The following PAPPA2 variants were observed in gnomAD, a reference collection of about 807,000 sequenced individuals.
PAPPA2 encodes pappalysin 2.
A neutral mutation model predicts 176.4 loss-of-function variants in PAPPA2; 86 were observed. That is an observed-to-expected ratio of 0.49 (90% CI 0.41 to 0.58). PAPPA2 has a LOEUF of 0.58. Among genes scored for constraint, PAPPA2 ranks in the 20% least tolerant of loss-of-function variants. The pLI is 0.00. For missense variants in PAPPA2, 2,073 were observed against 2,256.9 expected (o/e 0.92, Z 1.65); for synonymous variants, 809 against 852.2 (o/e 0.95, Z 0.88).
chr1:176,625,945 T>C (rs1265862321), intron 3 of PAPPA2, among the ~76,000 whole-genome samples: 8 of 152,022 alleles, frequency 5.3e-5, no homozygotes, highest in Non-Finnish European at 1.0e-4. Flanking sequence ...ATCACTTGAG[T>C]CTAGGAGGTG....
intron 3 of PAPPA2, among the ~76,000 whole-genome samples, chr1:176,661,225 A>C (rs1658340960): frequency 6.6e-6 from 1 of 152,132 alleles, no homozygotes; most frequent in South Asian, 2.1e-4. Flanking sequence ...TCTCTGAATC[A>C]GTCAAGACAT....
intron 3 of PAPPA2, among the ~76,000 whole-genome samples, chr1:176,651,848 T>C (rs1657745423): frequency 6.6e-6 from 1 of 151,532 alleles, no homozygotes; most frequent in Admixed American, 6.6e-5. Flanking sequence ...CTTTTTTCTC[T>C]TCTGGCTGTG....
At chr1:176,778,882 G>T (rs1664578971) in intron 17 of PAPPA2, among the ~76,000 whole-genome samples, 1 of 152,082 alleles carries the variant, frequency 6.6e-6, no homozygotes, top group East Asian at 1.9e-4. Context: ...GCCATTGTAG[G>T]ATAATGTGTG....
chr1:176,547,111 A>G (rs1332909549), intron 1 of PAPPA2, among the ~76,000 whole-genome samples: 2 of 152,222 alleles, frequency 1.3e-5, no homozygotes, highest in Admixed American at 1.3e-4. Flanking sequence ...TGAAGTTGCC[A>G]TGTAATATTT....
intron 4 of PAPPA2, among the ~76,000 whole-genome samples, chr1:176,682,779 G>T (rs1479920316): frequency 1.3e-5 from 2 of 151,856 alleles, no homozygotes; most frequent in Non-Finnish European, 2.9e-5. Flanking sequence ...CTGACTTGAA[G>T]TGCTCCTTCC....
rs78038111 is a variant in PAPPA2, at chr1:176,831,166, G to A, written c.5203-9007G>A. Among the ~76,000 whole-genome samples, 124 of 152,242 alleles carry A rather than the reference G, an allele frequency of 8.1e-4. 2 individuals carry two copies. The highest frequency in any genetic ancestry group is 2.9e-3 in the African/African-American group (121 of 41,542). Reference sequence around the variant, plus strand: ...AGTGATTCAGTGCAGAAGGAATAAAGGTGGTTGGGGAAGTGGAGCACTGGG... The same window carrying A: ...AGTGATTCAGTGCAGAAGGAATAAAAGTGGTTGGGGAAGTGGAGCACTGGG... On this transcript the variant is annotated intron_variant, in intron 21 of 22. Transcript: ENST00000367662.
Position 176,620,286 on chromosome 1 carries a change from C to T in PAPPA2, c.1991+24691C>T, listed in dbSNP as rs528736113. 7.3e-5 allele frequency among the ~76,000 whole-genome samples: 11 copies of T among 151,500 alleles called. No individual in the cohort carries two copies. In the South Asian group the frequency reaches 1.3e-3, roughly 17 times the overall value. Reference sequence around the variant, plus strand: ...GATTTCAATATATACATTTTTTTTTCGGAGACAGGGGAGAGACACAAACAT... The same window carrying T: ...GATTTCAATATATACATTTTTTTTTTGGAGACAGGGGAGAGACACAAACAT... On this transcript the variant is annotated intron_variant, in intron 3 of 22. Coordinates refer to ENST00000367662, the MANE Select transcript of PAPPA2 (RefSeq NM_020318.3).
At chr1:176,495,409 G>T (rs185471151) in intron 1 of PAPPA2, among the ~76,000 whole-genome samples, 2 of 151,828 alleles carry the variant, frequency 1.3e-5, no homozygotes, top group Non-Finnish European at 2.9e-5. Flanking sequence ...ACATGGTGGC[G>T]CATGCCTCTA....
rs1249125585 is a variant in PAPPA2, at chr1:176,844,791, G to A, written c.*2337G>A. The stretch of plus-strand genomic sequence containing the variant: ...ATTGAGGCAGAGGAATTGTTATCCT[G>A]GGCATTACTCAGCTCAGGAACATGG... On this transcript the variant is annotated 3_prime_UTR_variant, in exon 23 of 23. Coordinates refer to ENST00000367662, the MANE Select transcript of PAPPA2 (RefSeq NM_020318.3). The A allele has an allele frequency of 6.6e-6, 1 of 152,246 alleles. No homozygotes were observed. The highest frequency in any genetic ancestry group is 1.9e-4 in the East Asian group (1 of 5,170). The allele number at this position is 152,246 out of a possible 1,614,324, so 9.4% of individuals were successfully genotyped here. A position where few individuals can be genotyped will look rare whatever the true frequency, so the allele number is the denominator to read the frequency against.
chr1:176,788,369 G>A (rs1665032853), intron 17 of PAPPA2, among the ~76,000 whole-genome samples: 1 of 152,160 alleles, frequency 6.6e-6, no homozygotes, highest in Admixed American at 6.5e-5. Flanking sequence ...AGCTACAGGA[G>A]GTATTGCACT....
chr1:176,673,642 T>C (rs1659133752), intron 4 of PAPPA2, among the ~76,000 whole-genome samples: 1 of 152,182 alleles, frequency 6.6e-6, no homozygotes, highest in South Asian at 2.1e-4. Context: ...TACTATTGAA[T>C]GTTTTCTAAC....
intron 21 of PAPPA2, among the ~76,000 whole-genome samples, chr1:176,827,276 G>GA (rs763445656): frequency 5.3e-5 from 8 of 151,256 alleles, no homozygotes; most frequent in Non-Finnish European, 7.4e-5. Context: ...TCTTCTTCTG[G>GA]AAAAAAAACA....
At chr1:176,638,820 C>T (rs948948680) in intron 3 of PAPPA2, among the ~76,000 whole-genome samples, 5 of 151,814 alleles carry the variant, frequency 3.3e-5, no homozygotes, top group Admixed American at 6.6e-5. Flanking sequence ...GGCAATGAAA[C>T]CTTTTTAGAA....
At chr1:176,694,399 C>T (rs186405015) in intron 6 of PAPPA2, among the ~76,000 whole-genome samples, 23 of 152,290 alleles carry the variant, frequency 1.5e-4, no homozygotes, top group Non-Finnish European at 2.6e-4. Context: ...CCTGAGTTTT[C>T]TCATTTGTAA....
chr1:176,600,080 T>C (rs1272511482), intron 3 of PAPPA2, among the ~76,000 whole-genome samples: 1 of 152,176 alleles, frequency 6.6e-6, no homozygotes, highest in African/African-American at 2.4e-5. Flanking sequence ...CAAGCTTCTA[T>C]GATGTGTCAG....
intron 3 of PAPPA2, among the ~76,000 whole-genome samples, chr1:176,650,148 A>ACCTT (rs1657635497): frequency 6.6e-6 from 1 of 151,426 alleles, no homozygotes; most frequent in Non-Finnish European, 1.5e-5. Flanking sequence ...TTATATGGTA[A>ACCTT]CCTTCTTTGT....
intron 3 of PAPPA2, among the ~76,000 whole-genome samples, chr1:176,656,295 CAG>C (rs1397424482): frequency 1.3e-5 from 2 of 151,686 alleles, no homozygotes; most frequent in African/African-American, 4.8e-5. Context: ...CCTTAAACTA[CAG>C]AGTCTAGTTA....
At chr1:176,611,094 G>A (rs1358848008) in intron 3 of PAPPA2, among the ~76,000 whole-genome samples, 1 of 152,084 alleles carries the variant, frequency 6.6e-6, no homozygotes, top group Non-Finnish European at 1.5e-5. Context: ...AATTAACCCT[G>A]CACACTGTCA....
At chr1:176,820,637 C>T (rs549814128) in intron 21 of PAPPA2, among the ~76,000 whole-genome samples, 2 of 152,270 alleles carry the variant, frequency 1.3e-5, no homozygotes, top group Non-Finnish European at 2.9e-5. Context: ...CTCCTGGCAA[C>T]AGCGTTTTTC....
Sources: allele counts gnomAD v4.1 joint callset (sites outside exome capture counted in the v4.1 genomes callset), GRCh38; gene constraint gnomAD v4.1.1; transcripts MANE v1.5; gene names NCBI Gene and HGNC (gene_info 2026-07-23, HGNC 2026-07-21).